Variants in PBX3 observed in about 807,000 individuals in gnomAD.
PBX3 encodes PBX homeobox 3, also known as pre-B-cell leukemia transcription factor 3.
PBX3 carries 14 observed loss-of-function variants against 48.5 expected under a neutral mutation model. The ratio of observed to expected loss-of-function variants is 0.29; its 90% CI spans 0.19 to 0.45. The LOEUF is 0.45. Ranked by LOEUF, PBX3 falls within the 20% of genes least tolerant of loss-of-function variation. PBX3 has a pLI of 1.00. For synonymous variants in PBX3, 210 were observed against 200.3 expected, an observed-to-expected ratio of 1.05 and a Z score of -0.41; for missense variants, 386 against 546.7, an observed-to-expected ratio of 0.71 and a Z score of 2.93.
At chr9:125,942,576 T>G (rs1353740866) in intron 5 of PBX3, among the ~76,000 whole-genome samples, 1 of 152,252 alleles carries the variant, frequency 6.6e-6, no homozygotes, top group Non-Finnish European at 1.5e-5. Context: ...CAGTACTTTT[T>G]TTCAGCTATA....
chr9:125,849,794 T>G (rs2132256144), intron 2 of PBX3, among the ~76,000 whole-genome samples: 1 of 152,086 alleles, frequency 6.6e-6, no homozygotes, highest in East Asian at 1.9e-4. Flanking sequence ...GATTATTAAT[T>G]TGTGTTTTCA....
intron 2 of PBX3, among the ~76,000 whole-genome samples, chr9:125,773,839 GT>G (rs1588132433): frequency 6.6e-6 from 1 of 152,074 alleles, no homozygotes; most frequent in African/African-American, 2.4e-5. Flanking sequence ...GAGGACATTA[GT>G]TTTTTTCATA....
intron 2 of PBX3, among the ~76,000 whole-genome samples, chr9:125,761,390 C>A (rs760121393): frequency 2.6e-5 from 4 of 152,026 alleles, no homozygotes; most frequent in Non-Finnish European, 1.5e-5. Flanking sequence ...TAAATGCTCA[C>A]TGATTTTTAT....
chr9:125,880,996 ATG>A (rs1564154136), intron 2 of PBX3, among the ~76,000 whole-genome samples: 1 of 152,244 alleles, frequency 6.6e-6, no homozygotes, highest in African/African-American at 2.4e-5. Context: ...AATGTTCTCA[ATG>A]TGTTAGTTAA....
intron 2 of PBX3, among the ~76,000 whole-genome samples, chr9:125,799,058 G>T (rs2132087564): frequency 6.6e-6 from 1 of 152,224 alleles, no homozygotes; most frequent in South Asian, 2.1e-4. Context: ...TTTTGGGGTT[G>T]TCTGTTGTTT....
At chr9:125,755,079 A>C (rs1836476555) in intron 2 of PBX3, among the ~76,000 whole-genome samples, 1 of 152,078 alleles carries the variant, frequency 6.6e-6, no homozygotes, top group African/African-American at 2.4e-5. Flanking sequence ...ATGTTATGGC[A>C]AAATGATTTT....
At position 125,966,064 on chromosome 9, in the gene PBX3, G is replaced by GT; in HGVS notation, c.*147dup. On this transcript the variant is annotated 3_prime_UTR_variant, in exon 9 of 9. Coordinates refer to ENST00000373489, the MANE Select transcript of PBX3 (RefSeq NM_006195.6). ...TCTTATTCGAGAACTTGGTAAATCT[G>GT]TTTTTTAAGGAATCATAATCATTTG... is the stretch of plus-strand genomic sequence containing the variant. 1.9e-6 allele frequency: 1 copy of GT among 531,494 alleles called. No homozygotes were observed. Among genetic ancestry groups the GT allele is most frequent in the East Asian group, 3.0e-5 (1 of 33,716 alleles). The allele number at this position is 531,494 out of a possible 1,614,324, so 32.9% of individuals were successfully genotyped here. A position where few individuals can be genotyped will look rare whatever the true frequency, so the allele number is the denominator to read the frequency against.
At chr9:125,941,003 G>C (rs1174455255) in intron 5 of PBX3, among the ~76,000 whole-genome samples, 1 of 152,114 alleles carries the variant, frequency 6.6e-6, no homozygotes, top group Non-Finnish European at 1.5e-5. Flanking sequence ...AAACAAGCCT[G>C]CCTTCATGGA....
At chr9:125,934,127 G>A (rs1841782917) in intron 4 of PBX3, among the ~76,000 whole-genome samples, 1 of 152,034 alleles carries the variant, frequency 6.6e-6, no homozygotes, top group Non-Finnish European at 1.5e-5. Context: ...GAAAACAATA[G>A]TTTAACCCTC....
At position 125,793,366 on chromosome 9, in the gene PBX3, A is replaced by AATATATATAT. The variant is rs1554855765; in HGVS notation, c.274+44760_274+44769dup. Reference sequence around the variant, plus strand: ...GACTCCATTTGGGGGGGAAAAAAAAAATATATATATATATATATATATATA... The same window carrying AATATATATAT: ...GACTCCATTTGGGGGGGAAAAAAAAAATATATATATATATATATATATATATATATATATA... On this transcript the variant is annotated intron_variant, in intron 2 of 8. Transcript: ENST00000373489. 2.3e-3 allele frequency among the ~76,000 whole-genome samples: 237 copies of AATATATATAT among 101,898 alleles called. 1 individual carries two copies. The highest frequency in any genetic ancestry group is 3.5e-3 in the East Asian group (11 of 3,168). The allele number at this position is 101,898 out of a possible 152,430, so 66.8% of individuals were successfully genotyped here.
chr9:125,775,682 G>A (rs368538516), intron 2 of PBX3, among the ~76,000 whole-genome samples: 4 of 152,174 alleles, frequency 2.6e-5, no homozygotes, highest in African/African-American at 7.2e-5. Context: ...AAGTGATGAT[G>A]TATTAACTTT....
chr9:125,953,476 C>CAAAAAA (rs35262454), intron 5 of PBX3, among the ~76,000 whole-genome samples: 1 of 144,844 alleles, frequency 6.9e-6, no homozygotes. Context: ...GACCCTGTCT[C>CAAAAAA]AAAAAAAAAA....
In PBX3 at chr9:125,905,748, A is replaced by T. The variant is rs1036106771; in HGVS notation, c.275-9938A>T. On this transcript the variant is annotated intron_variant, in intron 2 of 8. Transcript: ENST00000373489. ...ATGTTTCATTTTATTACCTAGTTAAACCAGCCACTTTTTGTAATTTGTACT... is the reference window on the plus strand; with the variant it reads ...ATGTTTCATTTTATTACCTAGTTAATCCAGCCACTTTTTGTAATTTGTACT... Among the ~76,000 whole-genome samples, 15 of 152,042 alleles carry T rather than the reference A, an allele frequency of 9.9e-5. No homozygotes were observed. In the South Asian group the frequency reaches 2.9e-3, roughly 29 times the overall value.
chr9:125,849,836 C>T (rs575354167), intron 2 of PBX3, among the ~76,000 whole-genome samples: 3 of 152,068 alleles, frequency 2.0e-5, no homozygotes, highest in African/African-American at 7.2e-5. Flanking sequence ...AATGCTTATA[C>T]TTAACAATTA....
chr9:125,802,022 C>G (rs368036809), intron 2 of PBX3, among the ~76,000 whole-genome samples: 1 of 152,132 alleles, frequency 6.6e-6, no homozygotes, highest in South Asian at 2.1e-4. Context: ...CTGATTGTGC[C>G]ACTGCACCCA....
chr9:125,960,644 C>T (rs1286643925), intron 5 of PBX3, 40 bp from the exon 6 acceptor site: 1 of 1,597,662 alleles, frequency 6.3e-7, no homozygotes, highest in African/African-American at 1.3e-5. Context: ...ATTACTTCTT[C>T]CTCTCTTCCC....
chr9:125,774,195 C>CTGCT (rs1837013401), intron 2 of PBX3, among the ~76,000 whole-genome samples: 2 of 152,112 alleles, frequency 1.3e-5, no homozygotes, highest in Non-Finnish European at 2.9e-5. Context: ...GTGTGGGGAG[C>CTGCT]TGCTACACAC....
At chr9:125,940,418 T>C (rs1841935513) in intron 5 of PBX3, among the ~76,000 whole-genome samples, 1 of 152,236 alleles carries the variant, frequency 6.6e-6, no homozygotes, top group Non-Finnish European at 1.5e-5. Context: ...AAACATTTAT[T>C]GAATAATGCT....
chr9:125,908,976 G>A (rs1416572055), intron 2 of PBX3, among the ~76,000 whole-genome samples: 1 of 151,840 alleles, frequency 6.6e-6, no homozygotes, highest in African/African-American at 2.4e-5. Context: ...TTTTTTCACT[G>A]TCTCATGCAA....
Sources: gnomAD v4.1 joint callset for allele counts (sites outside exome capture counted in the v4.1 genomes callset) on GRCh38, gnomAD v4.1.1 for gene constraint, MANE v1.5 for transcripts, NCBI Gene and HGNC (gene_info 2026-07-23, HGNC 2026-07-21) for gene names.